Variants in IGSF21 observed in about 807,000 individuals in gnomAD.
The protein encoded by IGSF21 is immunoglobulin superfamily member 21.
In IGSF21, 28 loss-of-function variants were observed where a neutral mutation model predicts 46.8. The ratio of observed to expected loss-of-function variants is 0.60; its 90% CI spans 0.44 to 0.82. IGSF21 has a LOEUF of 0.82. Ranked by LOEUF, IGSF21 falls within the 40% of genes least tolerant of loss-of-function variation. The pLI is 0.00. For missense variants in IGSF21, 624 were observed against 665.5 expected, an observed-to-expected ratio of 0.94 and a Z score of 0.69; for synonymous variants, 284 against 273.6, an observed-to-expected ratio of 1.04 and a Z score of -0.38.
chr1:18,371,102 C>T (rs1244655716), intron 6 of IGSF21, among the ~76,000 whole-genome samples: 1 of 152,180 alleles, frequency 6.6e-6, no homozygotes, highest in Non-Finnish European at 1.5e-5. Flanking sequence ...AAACATATGT[C>T]CACAGCAGCT....
chr1:18,288,840 C>G (rs550640707), intron 2 of IGSF21, among the ~76,000 whole-genome samples: 24 of 152,358 alleles, frequency 1.6e-4, no homozygotes, highest in African/African-American at 5.5e-4. Context: ...AAGCACTTGT[C>G]TCCAGCTGCC....
intron 1 of IGSF21, among the ~76,000 whole-genome samples, chr1:18,153,588 G>A (rs896536389): frequency 6.6e-6 from 1 of 152,194 alleles, no homozygotes; most frequent in East Asian, 1.9e-4. Flanking sequence ...ACCAGGTGCC[G>A]AAGGTGAATT....
In IGSF21 at chr1:18,239,326, C is replaced by CT. The variant is rs972476819; in HGVS notation, c.183+11317dup. Reference sequence around the variant, plus strand: ...CCATCCCTCCTAAATCCTTTCTCCCCTCCTCTCCCCACATTTTCCTTGTTG... The same window carrying CT: ...CCATCCCTCCTAAATCCTTTCTCCCCTTCCTCTCCCCACATTTTCCTTGTTG... On this transcript the variant is annotated intron_variant, in intron 2 of 9. Coordinates refer to ENST00000251296, the MANE Select transcript of IGSF21 (RefSeq NM_032880.5). 4.6e-5 allele frequency among the ~76,000 whole-genome samples: 7 copies of CT among 152,284 alleles called. No individual in the cohort carries two copies. In the South Asian group the frequency reaches 8.3e-4, roughly 18 times the overall value.
intron 3 of IGSF21, among the ~76,000 whole-genome samples, chr1:18,308,346 G>T (rs2085448370): frequency 6.6e-6 from 1 of 152,262 alleles, no homozygotes; most frequent in Middle Eastern, 3.4e-3. Flanking sequence ...TGGACATCCT[G>T]TTCATTTCTT....
intron 1 of IGSF21, among the ~76,000 whole-genome samples, chr1:18,131,114 C>A (rs1017265348): frequency 3.9e-5 from 6 of 152,218 alleles, no homozygotes; most frequent in Non-Finnish European, 8.8e-5. Flanking sequence ...TTGAGAAAAA[C>A]CCCTCCAGAA....
chr1:18,162,193 G>A (rs753742549), intron 1 of IGSF21, among the ~76,000 whole-genome samples: 8 of 151,988 alleles, frequency 5.3e-5, no homozygotes, highest in Non-Finnish European at 1.2e-4. Context: ...CTACAGGCAC[G>A]TGCCACCACA....
At chr1:18,180,844 G>A (rs1269912590) in intron 1 of IGSF21, among the ~76,000 whole-genome samples, 1 of 152,226 alleles carries the variant, frequency 6.6e-6, no homozygotes, top group Admixed American at 6.5e-5. Flanking sequence ...GCAACATGAA[G>A]TTAGATAACT....
At chr1:18,243,651 G>A (rs968353087) in intron 2 of IGSF21, among the ~76,000 whole-genome samples, 3 of 152,110 alleles carry the variant, frequency 2.0e-5, no homozygotes, top group Non-Finnish European at 4.4e-5. Context: ...GGCACCACCC[G>A]GTCTGGCACT....
At chr1:18,119,945 G>A (rs962368688) in intron 1 of IGSF21, among the ~76,000 whole-genome samples, 7 of 152,134 alleles carry the variant, frequency 4.6e-5, no homozygotes, top group Non-Finnish European at 1.0e-4. Flanking sequence ...TGCAGATATG[G>A]CCAATCTGTG....
At position 18,362,032 on chromosome 1, in the gene IGSF21, C is replaced by T. The variant is rs74056434; in HGVS notation, c.425-83C>T. 2.9e-3 allele frequency: 2,735 copies of T among 935,344 alleles called. 47 individuals are homozygous for T. In the African/African-American group the frequency reaches 0.036, roughly 12 times the overall value. The allele number at this position is 935,344 out of a possible 1,614,324, so 57.9% of individuals were successfully genotyped here. A position where few individuals can be genotyped will look rare whatever the true frequency, so the allele number is the denominator to read the frequency against. On this transcript the variant is annotated intron_variant, in intron 4 of 9. Coordinates refer to ENST00000251296, the MANE Select transcript of IGSF21 (RefSeq NM_032880.5). ...CCCCACCCCCGGCACCCAGCATGGA[C>T]GTGGCCCATCTTAGGTCATCAGTGA...
chr1:18,290,599 C>G lies in IGSF21; in HGVS notation c.184-1267C>G, dbSNP rs745797707. On this transcript the variant is annotated intron_variant, in intron 2 of 9. Transcript: ENST00000251296. The surrounding 1 kb of genome is among the most constrained non-coding windows in gnomAD (Gnocchi z 4.2). Reference sequence around the variant, plus strand: ...GCTCAACCAGTGCTGGCCAGATGCACGGAGTCTCTCCTAAACCAGTAGCAA... The same window carrying G: ...GCTCAACCAGTGCTGGCCAGATGCAGGGAGTCTCTCCTAAACCAGTAGCAA... Among the ~76,000 whole-genome samples the G allele has an allele frequency of 6.6e-6, 1 of 152,178 alleles. No individual in the cohort carries two copies. Among genetic ancestry groups the G allele is most frequent in the Non-Finnish European group, 1.5e-5 (1 of 68,016 alleles).
rs79479821 is a variant in IGSF21, at chr1:18,268,765, G to A, written c.184-23101G>A. ...CATGCATGTAGTTGGTCTCCCTCCT[G>A]AAGGTCTCCAGGGTTGGAGAAAGGG... On this transcript the variant is annotated intron_variant, in intron 2 of 9. Coordinates refer to ENST00000251296, the MANE Select transcript of IGSF21 (RefSeq NM_032880.5). Among the ~76,000 whole-genome samples the A allele has an allele frequency of 8.3e-3, 1,271 of 152,284 alleles. 18 individuals carry two copies. Among genetic ancestry groups the A allele is most frequent in the Middle Eastern group, 0.044 (13 of 294 alleles).
At chr1:18,292,165 G>A (rs2085274159) in intron 3 of IGSF21, among the ~76,000 whole-genome samples, 178 bp downstream of exon 3, 3 of 152,344 alleles carry the variant, frequency 2.0e-5, no homozygotes, top group Non-Finnish European at 4.4e-5. Context: ...ACATCCCCTG[G>A]AGGGAAGAGG....
chr1:18,129,444 A>G (rs1230620834), intron 1 of IGSF21, among the ~76,000 whole-genome samples: 2 of 152,172 alleles, frequency 1.3e-5, no homozygotes. Context: ...CCTCCCCATG[A>G]ATAAGGGCTC....
intron 2 of IGSF21, 61 bp downstream of exon 2, chr1:18,228,071 G>T (rs2084587320): frequency 1.5e-6 from 2 of 1,301,766 alleles, no homozygotes; most frequent in Non-Finnish European, 2.2e-6. Flanking sequence ...GGTCCTCAGA[G>T]CCCTCTGGAC....
chr1:18,224,583 T>C (rs989105790), intron 1 of IGSF21, among the ~76,000 whole-genome samples: 6 of 152,214 alleles, frequency 3.9e-5, no homozygotes, highest in African/African-American at 1.4e-4. Flanking sequence ...GACGTGTCTA[T>C]TGTTACTGAT....
intron 3 of IGSF21, among the ~76,000 whole-genome samples, chr1:18,323,927 A>G (rs1454873158): frequency 6.6e-6 from 1 of 152,178 alleles, no homozygotes; most frequent in Non-Finnish European, 1.5e-5. Flanking sequence ...AGGTCATAAA[A>G]TTCCCAGTGT....
chr1:18,202,603 A>T (rs1331420893), intron 1 of IGSF21, among the ~76,000 whole-genome samples: 2 of 151,934 alleles, frequency 1.3e-5, no homozygotes, highest in African/African-American at 4.8e-5. Flanking sequence ...GAGAGAGCCA[A>T]GGGGGAAGAG....
intron 3 of IGSF21, among the ~76,000 whole-genome samples, chr1:18,295,524 C>A (rs951904627): frequency 1.3e-5 from 2 of 152,240 alleles, no homozygotes; most frequent in Middle Eastern, 6.8e-3. Context: ...GGTGCAGTAC[C>A]GGGAAGGAAT....
Sources: gnomAD v4.1 joint callset for allele counts (sites outside exome capture counted in the v4.1 genomes callset) on GRCh38, gnomAD v4.1.1 for gene constraint, Gnocchi (gnomAD v3.1) non-coding constraint, MANE v1.5 for transcripts, NCBI Gene and HGNC (gene_info 2026-07-23, HGNC 2026-07-21) for gene names.